The following YAP1 variants were observed in gnomAD, a reference collection of about 807,000 sequenced individuals.
YAP1 encodes transcriptional coactivator YAP1.
Under a neutral mutation model 56.9 loss-of-function variants are expected in YAP1, and 5 were observed. That is an observed-to-expected ratio of 0.09 (90% CI 0.05 to 0.18). The LOEUF (loss-of-function observed/expected upper bound fraction) is 0.18, where lower values mean the gene tolerates loss of function less well. Ranked by LOEUF, YAP1 falls within the 10% of genes least tolerant of loss-of-function variation. The pLI, the probability that YAP1 is intolerant of heterozygous loss-of-function variation, is 1.00. For synonymous variants in YAP1, 265 were observed against 248.1 expected (o/e 1.07, Z -0.64); for missense variants, 539 against 651.8 (o/e 0.83, Z 1.88).
chr11:102,162,146 A>C (rs1047634329), intron 2 of YAP1, among the ~76,000 whole-genome samples: 3 of 152,242 alleles, frequency 2.0e-5, no homozygotes, highest in Admixed American at 6.5e-5. Flanking sequence ...TTTAGTTTAC[A>C]AACTACATTG....
At chr11:102,224,124 G>C (rs1950081408) in intron 7 of YAP1, among the ~76,000 whole-genome samples, 1 of 152,190 alleles carries the variant, frequency 6.6e-6, no homozygotes, top group Non-Finnish European at 1.5e-5. Flanking sequence ...AGGATCACTG[G>C]AAGGAATTTT....
chr11:102,150,534 A>G (rs1161875200), intron 2 of YAP1, among the ~76,000 whole-genome samples: 1 of 152,164 alleles, frequency 6.6e-6, no homozygotes, highest in Non-Finnish European at 1.5e-5. Flanking sequence ...GTGATTATCT[A>G]ATGGTTTCAC....
At chr11:102,117,704 T>C (rs1353178624) in intron 2 of YAP1, among the ~76,000 whole-genome samples, 1 of 152,240 alleles carries the variant, frequency 6.6e-6, no homozygotes, top group Non-Finnish European at 1.5e-5. Flanking sequence ...GGAAGTATGG[T>C]GCTAGTTACA....
At chr11:102,115,833 T>C (rs981516403) in intron 2 of YAP1, among the ~76,000 whole-genome samples, 3 of 152,192 alleles carry the variant, frequency 2.0e-5, no homozygotes, top group African/African-American at 7.2e-5. Flanking sequence ...AACCAGGTTG[T>C]TAGGAAGAAA....
intron 2 of YAP1, among the ~76,000 whole-genome samples, chr11:102,152,714 T>A (rs186392348): frequency 1.7e-4 from 26 of 152,336 alleles, no homozygotes; most frequent in Non-Finnish European, 2.8e-4. Context: ...TTCAAAAGAT[T>A]CAGATTATGC....
chr11:102,180,039 C>A (rs1206684228), intron 3 of YAP1, among the ~76,000 whole-genome samples: 2 of 141,974 alleles, frequency 1.4e-5, no homozygotes, highest in Admixed American at 7.2e-5. Flanking sequence ...GATGGAGTCT[C>A]GCATCCGTCG....
At chr11:102,161,211 G>A (rs564433587) in intron 2 of YAP1, among the ~76,000 whole-genome samples, 1 of 151,298 alleles carries the variant, frequency 6.6e-6, no homozygotes, top group South Asian at 2.1e-4. Context: ...ACAGGCGCCC[G>A]CCACCACGCC....
Position 102,134,369 on chromosome 11 carries a change from T to A in YAP1, c.572+19975T>A, listed in dbSNP as rs992987373. ...ATGGAATTATGTGCAGATATACGAT[T>A]GAGAGTTGGATTTTTTTTACATCTC... On this transcript the variant is annotated intron_variant, in intron 2 of 8. Coordinates refer to ENST00000282441, the MANE Select transcript of YAP1 (RefSeq NM_001130145.3). 4.0e-5 allele frequency among the ~76,000 whole-genome samples: 6 copies of A among 151,818 alleles called. No individual in the cohort carries two copies. The South Asian group carries it at 8.3e-4, about 21-fold the overall frequency.
intron 4 of YAP1, among the ~76,000 whole-genome samples, chr11:102,190,708 T>TG (rs1207294091): frequency 6.6e-6 from 1 of 152,090 alleles, no homozygotes; most frequent in African/African-American, 2.4e-5. Context: ...GAGGCCCTGG[T>TG]GGGCAGATCA....
chr11:102,175,096 C>T (rs1433850483), intron 3 of YAP1, among the ~76,000 whole-genome samples: 1 of 152,110 alleles, frequency 6.6e-6, no homozygotes, highest in Non-Finnish European at 1.5e-5. Context: ...GGATTAGCCA[C>T]CAACCACTCT....
At chr11:102,202,705 A>G (rs960697996) in intron 4 of YAP1, among the ~76,000 whole-genome samples, 1 of 152,192 alleles carries the variant, frequency 6.6e-6, no homozygotes, top group Non-Finnish European at 1.5e-5. Flanking sequence ...TGTAACCTCT[A>G]ATGAAATAAT....
chr11:102,191,154 A>G (rs1004503999), intron 4 of YAP1, among the ~76,000 whole-genome samples: 1 of 146,788 alleles, frequency 6.8e-6, no homozygotes, highest in South Asian at 2.3e-4. Flanking sequence ...AGCCTGGGCA[A>G]CAGAGCGAGA....
intron 4 of YAP1, among the ~76,000 whole-genome samples, chr11:102,200,010 C>T (rs977986394): frequency 3.5e-4 from 54 of 152,254 alleles, no homozygotes; most frequent in African/African-American, 1.3e-3. Flanking sequence ...ACATGTCTTG[C>T]CCTACCAGCT....
chr11:102,113,589 A>G (rs763903679), intron 1 of YAP1, among the ~76,000 whole-genome samples: 5 of 152,098 alleles, frequency 3.3e-5, no homozygotes, highest in Admixed American at 6.6e-5. Flanking sequence ...GGGCAGTTCA[A>G]ATTTGTTGCT....
intron 2 of YAP1, among the ~76,000 whole-genome samples, chr11:102,141,697 T>G (rs866224132): frequency 5.3e-5 from 8 of 152,198 alleles, no homozygotes; most frequent in South Asian, 2.1e-4. Context: ...ACATGTAATT[T>G]TAGTATTTCT....
intron 4 of YAP1, among the ~76,000 whole-genome samples, chr11:102,203,166 T>C (rs1019010726): frequency 5.9e-5 from 9 of 152,250 alleles, no homozygotes; most frequent in African/African-American, 2.2e-4. Flanking sequence ...TAGTTTCTCA[T>C]TCATTAGCCC....
intron 6 of YAP1, among the ~76,000 whole-genome samples, chr11:102,209,889 A>G (rs761886033): frequency 2.0e-5 from 3 of 152,236 alleles, no homozygotes; most frequent in Admixed American, 6.5e-5. Flanking sequence ...ATAGCTTAAA[A>G]TAGTATGTGT....
At chr11:102,176,529 G>C (rs1240180703) in intron 3 of YAP1, among the ~76,000 whole-genome samples, 1 of 151,878 alleles carries the variant, frequency 6.6e-6, no homozygotes, top group Non-Finnish European at 1.5e-5. Flanking sequence ...GGTGGATCTT[G>C]AGGTCAGGAG....
intron 3 of YAP1, among the ~76,000 whole-genome samples, chr11:102,179,924 A>G (rs1439118576): frequency 3.9e-5 from 6 of 152,090 alleles, no homozygotes; most frequent in Admixed American, 2.6e-4. Context: ...TTGAGCTTAC[A>G]TAGAAAGAAT....
Sources: allele counts gnomAD v4.1 joint callset (sites outside exome capture counted in the v4.1 genomes callset), GRCh38; gene constraint gnomAD v4.1.1; transcripts MANE v1.5; gene names NCBI Gene and HGNC (gene_info 2026-07-23, HGNC 2026-07-21).